Variants in CSMD3 observed in about 807,000 individuals in gnomAD.
CSMD3 encodes the protein CUB and sushi domain-containing protein 3.
CSMD3 carries 177 observed loss-of-function variants against 435.2 expected under a neutral mutation model. That is an observed-to-expected ratio of 0.41 (90% CI 0.36 to 0.46). CSMD3 has a LOEUF of 0.46. CSMD3 is among the 20% of genes least tolerant of loss of function. The probability of loss-of-function intolerance (pLI) is 0.34; values close to 1 mark genes in which losing one functional copy is unlikely to be tolerated. For missense variants in CSMD3, 4,265 were observed against 4,504.6 expected (o/e 0.95, Z 1.52); for synonymous variants, 1,656 against 1,520.5 (o/e 1.09, Z -2.07).
intron 24 of CSMD3, among the ~76,000 whole-genome samples, 181 bp from the exon 25 acceptor site, chr8:112,557,135 AT>A (rs1367837770): frequency 6.6e-6 from 1 of 151,730 alleles, no homozygotes; most frequent in Non-Finnish European, 1.5e-5. Context: ...TTTCTTGAAA[AT>A]TAAAATGTGT....
chr8:112,404,807 A>T (rs1460802468), intron 35 of CSMD3, among the ~76,000 whole-genome samples: 1 of 152,000 alleles, frequency 6.6e-6, no homozygotes, highest in Non-Finnish European at 1.5e-5. Context: ...ATTCCTCCCT[A>T]TGGAGAGTGG....
At chr8:113,274,171 C>T (rs1174106859) in intron 3 of CSMD3, among the ~76,000 whole-genome samples, 2 of 151,826 alleles carry the variant, frequency 1.3e-5, no homozygotes, top group Non-Finnish European at 2.9e-5. Context: ...ATTCCAAGCA[C>T]ACAGAATTGT....
intron 3 of CSMD3, among the ~76,000 whole-genome samples, chr8:113,271,651 T>C (rs1431612440): frequency 6.6e-6 from 1 of 152,170 alleles, no homozygotes. Flanking sequence ...GGGGCCCTCA[T>C]GGATAACTTA....
intron 34 of CSMD3, among the ~76,000 whole-genome samples, chr8:112,407,371 C>A (rs180675742): frequency 6.6e-6 from 1 of 151,850 alleles, no homozygotes; most frequent in Admixed American, 6.6e-5. Context: ...TTTAATTGTG[C>A]CTTTTTTTTG....
chr8:112,417,468 A>G (rs1247969469), intron 32 of CSMD3, among the ~76,000 whole-genome samples: 2 of 152,174 alleles, frequency 1.3e-5, no homozygotes, highest in Non-Finnish European at 2.9e-5. Context: ...TTGTAAATAT[A>G]TATGTTCCTA....
At chr8:112,510,875 G>T (rs1326333999) in intron 28 of CSMD3, among the ~76,000 whole-genome samples, 2 of 152,114 alleles carry the variant, frequency 1.3e-5, no homozygotes, top group African/African-American at 4.8e-5. Context: ...TGAATTGCTA[G>T]TGGTTCTTTA....
rs565760381 is a variant in CSMD3, at chr8:112,783,300, T to A, written c.1972+16862A>T. On this transcript the variant is annotated intron_variant, in intron 13 of 70. Coordinates refer to ENST00000297405, the MANE Select transcript of CSMD3 (RefSeq NM_198123.2). ...GGCTATAAGATATTATTTCCACATC[T>A]CATGGTAACAAAAACTACAACAGAT... Among the ~76,000 whole-genome samples the A allele has an allele frequency of 2.0e-5, 3 of 151,164 alleles. No homozygotes were observed. In the South Asian group the frequency reaches 6.2e-4, roughly 31 times the overall value.
At chr8:113,111,630 G>C (rs2090643214) in intron 4 of CSMD3, among the ~76,000 whole-genome samples, 1 of 152,082 alleles carries the variant, frequency 6.6e-6, no homozygotes, top group South Asian at 2.1e-4. Flanking sequence ...TCAATATACA[G>C]AACGGGCCCA....
At chr8:112,920,306 G>C (rs1276834750) in intron 10 of CSMD3, among the ~76,000 whole-genome samples, 1 of 151,810 alleles carries the variant, frequency 6.6e-6, no homozygotes, top group Non-Finnish European at 1.5e-5. Flanking sequence ...GTTCCTACAA[G>C]TGGTCACAAG....
At chr8:112,335,268 CT>C (rs1279385744) in intron 45 of CSMD3, 60 bp downstream of exon 45, 4 of 1,518,966 alleles carry the variant, frequency 2.6e-6, no homozygotes, top group Non-Finnish European at 2.7e-6. Flanking sequence ...ATTACATTCA[CT>C]TTTTTCCAGG....
intron 47 of CSMD3, among the ~76,000 whole-genome samples, chr8:112,315,994 T>G (rs1822423087): frequency 1.3e-5 from 2 of 151,778 alleles, no homozygotes; most frequent in African/African-American, 4.8e-5. Flanking sequence ...CAAAGACAAT[T>G]AAATATTTTT....
chr8:112,369,963 G>GGAA (rs1320942013), intron 38 of CSMD3, among the ~76,000 whole-genome samples: 1 of 139,544 alleles, frequency 7.2e-6, no homozygotes, highest in Non-Finnish European at 1.6e-5. Flanking sequence ...AGGAGGAGGA[G>GGAA]GAAGAAGAAG....
chr8:112,357,992 G>C (rs1563836214), intron 38 of CSMD3, among the ~76,000 whole-genome samples: 1 of 152,162 alleles, frequency 6.6e-6, no homozygotes, highest in Non-Finnish European at 1.5e-5. Flanking sequence ...ACCTACAAAA[G>C]CTGCAGACAC....
chr8:112,851,118 T>C (rs2080471896), intron 11 of CSMD3, among the ~76,000 whole-genome samples: 2 of 152,160 alleles, frequency 1.3e-5, no homozygotes, highest in Admixed American at 6.6e-5. Context: ...AACCAGCTTG[T>C]TATATTCCTT....
chr8:113,222,626 T>C (rs2092981705), intron 3 of CSMD3, among the ~76,000 whole-genome samples: 2 of 151,148 alleles, frequency 1.3e-5, no homozygotes, highest in Non-Finnish European at 1.5e-5. Context: ...TTGAGTTATT[T>C]TCAGACAAAT....
At chr8:113,236,815 A>C (rs188909043) in intron 3 of CSMD3, among the ~76,000 whole-genome samples, 1 of 152,144 alleles carries the variant, frequency 6.6e-6, no homozygotes, top group East Asian at 1.9e-4. Context: ...CTATCTATCT[A>C]TCTATCTCTC....
chr8:112,451,510 A>T (rs2130600619), intron 32 of CSMD3, among the ~76,000 whole-genome samples: 1 of 152,264 alleles, frequency 6.6e-6, no homozygotes, highest in African/African-American at 2.4e-5. Context: ...GTTAGTAAAC[A>T]AAATTAACAA....
chr8:113,355,743 T>C lies in CSMD3; in HGVS notation c.179-40950A>G, dbSNP rs376642935. 6.4e-3 allele frequency among the ~76,000 whole-genome samples: 672 copies of C among 104,762 alleles called. 6 individuals are homozygous for C. The highest frequency in any genetic ancestry group is 9.5e-3 in the South Asian group (26 of 2,730). 68.7% of individuals were successfully genotyped at this position (104,762 alleles called of 152,430 possible). A position where few individuals can be genotyped will look rare whatever the true frequency, so the allele number is the denominator to read the frequency against. ...ATTTTTATATATATATATATATATA[T>C]ATATATACACACACACACACACACG... is the stretch of plus-strand genomic sequence containing the variant. On this transcript the variant is annotated intron_variant, in intron 1 of 70. Transcript: ENST00000297405.
intron 10 of CSMD3, among the ~76,000 whole-genome samples, chr8:112,860,107 A>G (rs1587499366): frequency 6.6e-6 from 1 of 151,908 alleles, no homozygotes; most frequent in East Asian, 1.9e-4. Flanking sequence ...TGGACCTCCT[A>G]AAAGTTTGCT....
Sources: allele counts gnomAD v4.1 joint callset (sites outside exome capture counted in the v4.1 genomes callset), GRCh38; gene constraint gnomAD v4.1.1; transcripts MANE v1.5; gene names NCBI Gene and HGNC (gene_info 2026-07-23, HGNC 2026-07-21).